The following SIAH2 variants were observed in gnomAD, a reference collection of about 807,000 sequenced individuals.
The protein encoded by SIAH2 is E3 ubiquitin-protein ligase SIAH2.
SIAH2 carries 4 observed loss-of-function variants against 20.4 expected under a neutral mutation model. The observed-to-expected ratio is 0.20, with a 90% confidence interval of 0.10 to 0.45. The LOEUF is 0.45. Among genes scored for constraint, SIAH2 ranks in the 20% least tolerant of loss-of-function variants. The pLI is 0.99. For synonymous variants in SIAH2, 171 were observed against 192.5 expected (o/e 0.89, Z 0.93); for missense variants, 259 against 440.3 (o/e 0.59, Z 3.69).
Position 150,741,918 on chromosome 3 carries a change from T to A in SIAH2, c.*223A>T. 1 of 550,998 alleles carries A rather than the reference T, an allele frequency of 1.8e-6. No individual in the cohort carries two copies. The highest frequency in any genetic ancestry group is 2.3e-5 in the South Asian group (1 of 42,902). 34.1% of individuals were successfully genotyped at this position (550,998 alleles called of 1,614,324 possible). On this transcript the variant is annotated 3_prime_UTR_variant, in exon 2 of 2. Coordinates refer to ENST00000312960, the MANE Select transcript of SIAH2 (RefSeq NM_005067.7). ...AAATACAATTCAATAAGAGTTGTTT[T>A]AGATCACAGAACAGCATCCAAATCA...
In SIAH2 at chr3:150,762,317, C is replaced by CTT. The variant is rs879766712; in HGVS notation, c.417+114_417+115dup. The CTT allele has an allele frequency of 1.0e-5, 12 of 1,160,418 alleles. No individual in the cohort carries two copies. Among genetic ancestry groups the CTT allele is most frequent in the East Asian group, 3.3e-5 (1 of 30,714 alleles). The allele number at this position is 1,160,418 out of a possible 1,614,324, so 71.9% of individuals were successfully genotyped here. The stretch of plus-strand genomic sequence containing the variant: ...GGTGGACGAAGTGTAAACATTTTTT[C>CTT]TTTTTTTTTTTTAAATGAGAGATGC... On this transcript the variant is annotated intron_variant, in intron 1 of 1. Coordinates refer to ENST00000312960, the MANE Select transcript of SIAH2 (RefSeq NM_005067.7). The surrounding 1 kb of genome is among the most constrained non-coding windows in gnomAD (Gnocchi z 6.6).
chr3:150,754,200 T>C (rs754181361), intron 1 of SIAH2, among the ~76,000 whole-genome samples: 15 of 152,208 alleles, frequency 9.9e-5, no homozygotes, highest in African/African-American at 3.1e-4. Context: ...GAGTAAGTTA[T>C]AAAGAAAAGA....
chr3:150,748,704 A>G (rs1317662913), intron 1 of SIAH2, among the ~76,000 whole-genome samples: 1 of 152,264 alleles, frequency 6.6e-6, no homozygotes, highest in African/African-American at 2.4e-5. Context: ...TTTGTTGTTG[A>G]TGCTCATAAA....
chr3:150,752,516 T>A (rs972173240), intron 1 of SIAH2, among the ~76,000 whole-genome samples: 2 of 151,862 alleles, frequency 1.3e-5, no homozygotes, highest in African/African-American at 4.8e-5. Flanking sequence ...GGCTGAGGCA[T>A]GAGAATCACT....
chr3:150,747,032 G>A (rs530375590), intron 1 of SIAH2, among the ~76,000 whole-genome samples: 1 of 152,238 alleles, frequency 6.6e-6, no homozygotes, highest in Non-Finnish European at 1.5e-5. Flanking sequence ...GCATTCCCAG[G>A]CTGCCCCGCC....
chr3:150,745,031 C>T (rs1351143790), intron 1 of SIAH2, among the ~76,000 whole-genome samples: 2 of 151,996 alleles, frequency 1.3e-5, no homozygotes, highest in African/African-American at 2.4e-5. Flanking sequence ...GTGTGGACAA[C>T]GATCTCATGT....
At chr3:150,758,400 T>C (rs1714530033) in intron 1 of SIAH2, among the ~76,000 whole-genome samples, 1 of 152,020 alleles carries the variant, frequency 6.6e-6, no homozygotes, top group South Asian at 2.1e-4. Flanking sequence ...GTAGACTATG[T>C]TGTTGATATG....
chr3:150,744,013 TAA>T (rs112528632), intron 1 of SIAH2, among the ~76,000 whole-genome samples: 13 of 134,406 alleles, frequency 9.7e-5, no homozygotes, highest in South Asian at 2.4e-4. Flanking sequence ...GTCCAGTTGC[TAA>T]AAAAAAAAAA....
chr3:150,743,936 C>T (rs1714156505), intron 1 of SIAH2, among the ~76,000 whole-genome samples: 2 of 151,874 alleles, frequency 1.3e-5, no homozygotes, highest in Non-Finnish European at 2.9e-5. Flanking sequence ...ACTTGGATTC[C>T]CCTGCTCCAC....
Position 150,762,018 on chromosome 3 carries a change from C to T in SIAH2, c.417+415G>A. ...TGCAGGACTCCAATTATCAATTCAG[C>T]CGAGCCCAGCGCTGGTAAAGGGGGC... On this transcript the variant is annotated intron_variant, in intron 1 of 1. Transcript: ENST00000312960. This position sits in a 1 kb window ranked among gnomAD's most constrained non-coding sequence, Gnocchi z 6.6. 4.8e-6 allele frequency: 1 copy of T among 209,796 alleles called. No individual in the cohort carries two copies. The highest frequency in any genetic ancestry group is 9.7e-6 in the Non-Finnish European group (1 of 102,838). The allele number at this position is 209,796 out of a possible 1,614,324, so 13.0% of individuals were successfully genotyped here.
chr3:150,747,964 CAAA>C (rs58478348), intron 1 of SIAH2, among the ~76,000 whole-genome samples: 5 of 56,696 alleles, frequency 8.8e-5, no homozygotes, highest in Non-Finnish European at 3.8e-5. Flanking sequence ...AACGCCATCT[CAAA>C]AAAAAAAAAA....
In SIAH2 at chr3:150,742,579, C is replaced by A; in HGVS notation, c.537G>T (p.Gly179=). The A allele has an allele frequency of 6.2e-7, 1 of 1,613,710 alleles. No individual in the cohort carries two copies. Among genetic ancestry groups the A allele is most frequent in the Non-Finnish European group, 8.5e-7 (1 of 1,179,776 alleles). ...GATGGGACATCACAGCTTCCAGGGACCCCTGCCACTTGCAGGAAGCACCAG... is the reference window on the plus strand; with the variant it reads ...GATGGGACATCACAGCTTCCAGGGAACCCTGCCACTTGCAGGAAGCACCAG... The part of the protein sequence containing the change: ...PCPGASCKWQ[G]SLEAVMSHLM... Residue 179 remains glycine, a synonymous_variant, in exon 2 of 2, where the codon GGG becomes GGT. Coordinates refer to ENST00000312960, the MANE Select transcript of SIAH2 (RefSeq NM_005067.7). This position sits in a 1 kb window ranked among gnomAD's most constrained non-coding sequence, Gnocchi z 4.8.
intron 1 of SIAH2, among the ~76,000 whole-genome samples, chr3:150,756,968 T>G (rs1343919181): frequency 6.6e-6 from 1 of 152,158 alleles, no homozygotes; most frequent in Non-Finnish European, 1.5e-5. Context: ...TGAAAGTATT[T>G]TTGGCTAATC....
Position 150,759,199 on chromosome 3 carries a change from A to C in SIAH2, c.417+3234T>G, listed in dbSNP as rs146243767. ...ACCCAAAGATCTGAGCTAATAATGC[A>C]TCCGGTTCCCCATATCAAAGGTGCT... is the stretch of plus-strand genomic sequence containing the variant. On this transcript the variant is annotated intron_variant, in intron 1 of 1. Transcript: ENST00000312960. 3.8e-3 allele frequency among the ~76,000 whole-genome samples: 582 copies of C among 152,298 alleles called. 26 individuals carry two copies. The South Asian group carries it at 0.077, about 20-fold the overall frequency.
chr3:150,753,981 A>C (rs1714427825), intron 1 of SIAH2, among the ~76,000 whole-genome samples: 1 of 152,224 alleles, frequency 6.6e-6, no homozygotes, highest in Non-Finnish European at 1.5e-5. Context: ...TAGGAGCCTG[A>C]TTAAATAACT....
In SIAH2 at chr3:150,762,891, CG is replaced by C. The variant is rs755067128; in HGVS notation, c.-43del. ...CATGGAACTGCGGGCGCCTGCCTGC[CG>C]CGGGGCCGCCCGGGTCAAGGCGGTG... On this transcript the variant is annotated 5_prime_UTR_variant, in exon 1 of 2. Coordinates refer to ENST00000312960, the MANE Select transcript of SIAH2 (RefSeq NM_005067.7). The surrounding 1 kb of genome is among the most constrained non-coding windows in gnomAD (Gnocchi z 6.6). 4.3e-6 allele frequency: 5 copies of C among 1,156,920 alleles called. No homozygotes were observed. In the African/African-American group the frequency reaches 8.2e-5, roughly 19 times the overall value. 71.7% of individuals were successfully genotyped at this position (1,156,920 alleles called of 1,614,324 possible). A position where few individuals can be genotyped will look rare whatever the true frequency, so the allele number is the denominator to read the frequency against.
chr3:150,752,365 T>C (rs1714390530), intron 1 of SIAH2, among the ~76,000 whole-genome samples: 1 of 152,232 alleles, frequency 6.6e-6, no homozygotes, highest in South Asian at 2.1e-4. Flanking sequence ...TCCCAGCATT[T>C]TGGGAGGCCG....
rs1333134351 is a variant in SIAH2, at chr3:150,762,721, G to T, written c.129C>A (p.Pro43=). The T allele has an allele frequency of 4.2e-6, 5 of 1,195,534 alleles. No individual in the cohort carries two copies. Among genetic ancestry groups the T allele is most frequent in the South Asian group, 4.1e-5 (1 of 24,314 alleles). The allele number at this position is 1,195,534 out of a possible 1,614,324, so 74.1% of individuals were successfully genotyped here. The part of the protein sequence containing the change: ...PAAATISAAG[P]GSSAVPAAAA... ...CCGCGGCGGGCACCGCGGACGAGCCGGGGCCCGCAGCCGAGATGGTGGCGG... is the reference window on the plus strand; with the variant it reads ...CCGCGGCGGGCACCGCGGACGAGCCTGGGCCCGCAGCCGAGATGGTGGCGG... The change falls in exon 1 of 2, where the codon CCC becomes CCA. Residue 43 remains proline (P), a synonymous_variant. Coordinates refer to ENST00000312960, the MANE Select transcript of SIAH2 (RefSeq NM_005067.7). This position sits in a 1 kb window ranked among gnomAD's most constrained non-coding sequence, Gnocchi z 6.6.
In SIAH2 at chr3:150,742,353, G is replaced by A. The variant is rs769947162; in HGVS notation, c.763C>T (p.Arg255Cys). 19 of 1,614,028 alleles carry A rather than the reference G, an allele frequency of 1.2e-5. No individual in the cohort carries two copies. Among genetic ancestry groups the A allele is most frequent in the Non-Finnish European group, 1.4e-5 (16 of 1,180,026 alleles). Residue 255 changes from arginine (R) to cysteine (C), a missense_variant, in exon 2 of 2, where the codon CGC (arginine) becomes TGC (cysteine). Transcript: ENST00000312960. This position sits in a 1 kb window ranked among gnomAD's most constrained non-coding sequence, Gnocchi z 4.8. Reference protein sequence around the residue: ...FFAIVLLIGTRKQAENFAYRL... With the variant: ...FFAIVLLIGTCKQAENFAYRL... ...TAGGCAAAGTTCTCGGCTTGCTTGC[G>A]GGTGCCAATGAGCAGGACGATGGCA...
Sources: gnomAD v4.1 joint callset for allele counts (sites outside exome capture counted in the v4.1 genomes callset) on GRCh38, gnomAD v4.1.1 for gene constraint, Gnocchi (gnomAD v3.1) non-coding constraint, MANE v1.5 for transcripts, NCBI Gene and HGNC (gene_info 2026-07-23, HGNC 2026-07-21) for gene names.